SLC2A6: variants seen among roughly 807,000 people sequenced by gnomAD.
SLC2A6 encodes the protein solute carrier family 2, facilitated glucose transporter member 6.
SLC2A6 carries 39 observed loss-of-function variants against 47.8 expected under a neutral mutation model. The ratio of observed to expected loss-of-function variants is 0.82; its 90% CI spans 0.63 to 1.07. The LOEUF is 1.07. Ranked by LOEUF, SLC2A6 falls within the 50% of genes least tolerant of loss-of-function variation. The probability of loss-of-function intolerance (pLI) is 0.00; values close to 1 mark genes in which losing one functional copy is unlikely to be tolerated. For missense variants in SLC2A6, 650 were observed against 707.6 expected, an observed-to-expected ratio of 0.92 and a Z score of 0.92; for synonymous variants, 346 against 324.1, an observed-to-expected ratio of 1.07 and a Z score of -0.73.
chr9:133,478,522 G>A (rs1008020855), intron 1 of SLC2A6, 106 bp from the exon 2 acceptor site: 70 of 1,336,980 alleles, frequency 5.2e-5, no homozygotes, highest in Non-Finnish European at 6.6e-5. Flanking sequence ...GCAGTGCTAG[G>A]GAGGCCTGGG....
At position 133,475,499 on chromosome 9, in the gene SLC2A6, G is replaced by T; in HGVS notation, c.675C>A (p.Gly225=). Residue 225 remains glycine, a synonymous_variant, in exon 5 of 10, where the codon GGC becomes GGA. Transcript: ENST00000371899. ...PNSPRFLLSR[G]RDEEALRALA... ...GCGCCCGCAGGGCCTCTTCGTCCCT[G>T]CCCCGAGAGAGCAGGAAGCGCGGCG... 6.2e-7 allele frequency: 1 copy of T among 1,611,662 alleles called. No individual in the cohort carries two copies. Among genetic ancestry groups the T allele is most frequent in the Non-Finnish European group, 8.5e-7 (1 of 1,179,918 alleles).
In SLC2A6 at chr9:133,475,090, C is replaced by T; in HGVS notation, c.798G>A (p.Glu266=). ...GCCGGCACACGTGTGGGGCCCGTGC[C>T]TCAGCCCACGATACTCGGCTGCTCT... is the stretch of plus-strand genomic sequence containing the variant. ...RRQSSRVSWA[E]ARAPHVCRPI... is the part of the protein sequence containing the mutation. The change falls in exon 6 of 10, where the codon GAG becomes GAA. Residue 266 remains glutamate (E), a synonymous_variant. Transcript: ENST00000371899. The T allele has an allele frequency of 6.3e-7, 1 of 1,586,786 alleles. No homozygotes were observed. Among genetic ancestry groups the T allele is most frequent in the South Asian group, 1.1e-5 (1 of 87,400 alleles).
chr9:133,476,302 C>A lies in SLC2A6; in HGVS notation c.497G>T (p.Arg166Leu), dbSNP rs781964271. The A allele has an allele frequency of 1.2e-6, 2 of 1,613,008 alleles. No individual in the cohort carries two copies. The highest frequency in any genetic ancestry group is 1.7e-6 in the Non-Finnish European group (2 of 1,179,958). The change falls in exon 4 of 10, where the codon CGT becomes CTT. Residue 166 changes from arginine (R) to leucine (L), a missense_variant. Physicochemically the swap from Arg to Leu is moderately radical, Grantham distance 102. Transcript: ENST00000371899. ...YVSEIAPPGV[R>L]GALGATPQLM... ...CTGGGGTGTGGCCCCCAGAGCCCCA[C>A]GAACGCCTGGGGGAGCAATCTCAGA...
intron 4 of SLC2A6, 112 bp from the exon 5 acceptor site, chr9:133,475,723 C>T: frequency 1.0e-6 from 1 of 992,694 alleles, no homozygotes; most frequent in South Asian, 1.7e-5. Context: ...AGGGCCATCT[C>T]CTACAGGAAG....
intron 3 of SLC2A6, 30 bp downstream of exon 3, chr9:133,476,995 AGAGGCATTGG>A: frequency 6.5e-7 from 1 of 1,527,208 alleles, no homozygotes; most frequent in Non-Finnish European, 8.9e-7. Context: ...GCACCAATAC[AGAGGCATTGG>A]GGCGCCTGGG....
At chr9:133,478,111 A>T in intron 2 of SLC2A6, 143 bp downstream of exon 2, 1 of 786,902 alleles carries the variant, frequency 1.3e-6, no homozygotes, top group East Asian at 2.6e-5. Flanking sequence ...CCCACCCACT[A>T]GTGGCCTGGA....
At chr9:133,472,227 C>T in intron 9 of SLC2A6, 51 bp from the exon 10 acceptor site, 2 of 1,601,730 alleles carry the variant, frequency 1.2e-6, no homozygotes, top group East Asian at 2.2e-5. Context: ...CAGGGTCCTC[C>T]TGCCCCAGAG....
intron 3 of SLC2A6, 27 bp from the exon 4 acceptor site, chr9:133,476,363 T>C: frequency 6.3e-7 from 1 of 1,599,190 alleles, no homozygotes; most frequent in Non-Finnish European, 8.6e-7. Flanking sequence ...CCGCACCAGG[T>C]TTTGCTGAAA....
intron 8 of SLC2A6, 81 bp downstream of exon 8, chr9:133,473,334 C>T (rs1843805628): frequency 6.5e-7 from 1 of 1,536,858 alleles, no homozygotes; most frequent in Non-Finnish European, 8.8e-7. Flanking sequence ...CTGGAGACCC[C>T]CCTCTCCAGC....
chr9:133,472,995 C>T, intron 9 of SLC2A6, 110 bp downstream of exon 9: 1 of 1,224,966 alleles, frequency 8.2e-7, no homozygotes, highest in Non-Finnish European at 1.1e-6. Context: ...CCTAGGGTCA[C>T]TGAGAGTTAG....
intron 2 of SLC2A6, among the ~76,000 whole-genome samples, chr9:133,477,758 A>G (rs587728902): frequency 6.6e-6 from 1 of 152,362 alleles, no homozygotes; most frequent in Non-Finnish European, 1.5e-5. Flanking sequence ...TGCCTGGCAC[A>G]TAGGAAGTGC....
At chr9:133,473,329 G>T in intron 8 of SLC2A6, 79 bp from the exon 9 acceptor site, 1 of 1,539,996 alleles carries the variant, frequency 6.5e-7, no homozygotes, top group South Asian at 1.2e-5. Context: ...AGCTGCTGGA[G>T]ACCCCCCTCT....
Position 133,475,620 on chromosome 9 carries a change from G to A in SLC2A6, c.563-9C>T, listed in dbSNP as rs587626282. 177 of 1,574,000 alleles carry A rather than the reference G, an allele frequency of 1.1e-4. 1 individual carries two copies. In the Middle Eastern group the frequency reaches 1.8e-3, roughly 16 times the overall value. ...CCACGGCAGCAGGAGGCCTGGGGGC[G>A]AGGGGTGGGTGAGGGGCCAGGTCCA... On this transcript the variant is annotated splice_polypyrimidine_tract_variant and intron_variant, in intron 4 of 9. Coordinates refer to ENST00000371899, the MANE Select transcript of SLC2A6 (RefSeq NM_017585.4).
Position 133,475,396 on chromosome 9 carries a change from G to T in SLC2A6, c.774+4C>A, listed in dbSNP as rs782619052. 1.3e-5 allele frequency: 20 copies of T among 1,593,712 alleles called. No individual in the cohort carries two copies. Among genetic ancestry groups the T allele is most frequent in the Non-Finnish European group, 1.5e-5 (18 of 1,168,598 alleles). On this transcript the variant is annotated splice_donor_region_variant and intron_variant, in intron 5 of 9. Coordinates refer to ENST00000371899, the MANE Select transcript of SLC2A6 (RefSeq NM_017585.4). ...GCCCGGTTCGGGCGCACACCCTCCT[G>T]CACCTGTCTCCGGACGTTGTCCTGG...
chr9:133,473,072 C>G, intron 9 of SLC2A6, 33 bp downstream of exon 9: 1 of 1,584,938 alleles, frequency 6.3e-7, no homozygotes, highest in Non-Finnish European at 8.6e-7. Context: ...CAGAGAGGGC[C>G]TAGGGGCCTG....
At chr9:133,474,153 A>C (rs1843853240) in intron 6 of SLC2A6, 65 bp from the exon 7 acceptor site, 3 of 1,360,910 alleles carry the variant, frequency 2.2e-6, no homozygotes, top group Non-Finnish European at 3.0e-6. Context: ...TCCAGGACCC[A>C]GCTTGTCCCG....
In SLC2A6 at chr9:133,478,426, G is replaced by C. The variant is rs201149419; in HGVS notation, c.93-10C>G. The C allele has an allele frequency of 1.1e-5, 18 of 1,613,746 alleles. No homozygotes were observed. The Admixed American group carries it at 3.0e-4, about 27-fold the overall frequency. On this transcript the variant is annotated splice_polypyrimidine_tract_variant and intron_variant, in intron 1 of 9. Transcript: ENST00000371899. Reference sequence around the variant, plus strand: ...TTTGTTCTGCAGGGTCCTGGTGATGGTGGCGGACAAAAAGACCAGGGTCTC... The same window carrying C: ...TTTGTTCTGCAGGGTCCTGGTGATGCTGGCGGACAAAAAGACCAGGGTCTC...
At position 133,477,050 on chromosome 9, in the gene SLC2A6, T is replaced by C; in HGVS notation, c.447A>G (p.Thr149=). ...CTGGCCTTACCGGGATGCAGGCAGC[T>C]GTGAGCCCCCCGGCGAAGCCCGTCA... is the stretch of plus-strand genomic sequence containing the variant. ...RTLTGFAGGL[T]AACIPVYVSE... is the part of the protein sequence containing the mutation. The change falls in exon 3 of 10, where the codon ACA becomes ACG. Residue 149 remains threonine (T), a synonymous_variant. Coordinates refer to ENST00000371899, the MANE Select transcript of SLC2A6 (RefSeq NM_017585.4). 1 of 1,547,562 alleles carries C rather than the reference T, an allele frequency of 6.5e-7. No individual in the cohort carries two copies. The highest frequency in any genetic ancestry group is 8.7e-7 in the Non-Finnish European group (1 of 1,146,478).
intron 3 of SLC2A6, among the ~76,000 whole-genome samples, chr9:133,476,620 C>A (rs139887079): frequency 5.4e-4 from 82 of 152,320 alleles, no homozygotes; most frequent in Admixed American, 8.5e-4. Context: ...CAGGGCTGAG[C>A]AGGTGAGTCC....
Sources: gnomAD v4.1 joint callset for allele counts (sites outside exome capture counted in the v4.1 genomes callset) on GRCh38, gnomAD v4.1.1 for gene constraint, MANE v1.5 for transcripts, NCBI Gene and HGNC (gene_info 2026-07-23, HGNC 2026-07-21) for gene names.